Variants in CPXM2 observed in about 807,000 individuals in gnomAD.
The protein encoded by CPXM2 is inactive carboxypeptidase-like protein X2.
A neutral mutation model predicts 86.1 loss-of-function variants in CPXM2; 66 were observed. That is an observed-to-expected ratio of 0.77 (90% CI 0.63 to 0.94). The LOEUF is 0.94. CPXM2 is among the 40% of genes least tolerant of loss of function. The pLI, the probability that CPXM2 is intolerant of heterozygous loss-of-function variation, is 0.00. For missense variants in CPXM2, 948 were observed against 1,026.3 expected, an observed-to-expected ratio of 0.92 and a Z score of 1.04; for synonymous variants, 388 against 400.2, an observed-to-expected ratio of 0.97 and a Z score of 0.36.
At chr10:123,770,895 T>A (rs985793800) in intron 8 of CPXM2, 21 bp downstream of exon 8, 1 of 1,607,264 alleles carries the variant, frequency 6.2e-7, no homozygotes, top group Non-Finnish European at 8.5e-7. Flanking sequence ...GGGCCAAGCA[T>A]CCCAGAGGGG....
At chr10:123,779,793 A>T (rs998902444) in intron 7 of CPXM2, among the ~76,000 whole-genome samples, 2 of 152,188 alleles carry the variant, frequency 1.3e-5, no homozygotes, top group Non-Finnish European at 2.9e-5. Flanking sequence ...AGTTGATCCT[A>T]TGTGAATATT....
intron 4 of CPXM2, among the ~76,000 whole-genome samples, chr10:123,806,644 T>C (rs1426614890): frequency 2.0e-5 from 3 of 152,166 alleles, no homozygotes; most frequent in African/African-American, 4.8e-5. Context: ...GAAAGATGTT[T>C]AGTTGGCTCA....
intron 2 of CPXM2, among the ~76,000 whole-genome samples, chr10:123,873,797 T>A (rs1944932158): frequency 6.6e-6 from 1 of 152,074 alleles, no homozygotes; most frequent in Non-Finnish European, 1.5e-5. Flanking sequence ...AGTACTTGTC[T>A]TAGTCTATTC....
upstream of CPXM2, among the ~76,000 whole-genome samples, chr10:123,940,975 T>C (rs924802670): frequency 3.3e-5 from 5 of 151,984 alleles, no homozygotes; most frequent in Non-Finnish European, 7.4e-5. Flanking sequence ...ATCGAGACCA[T>C]CCTGGCTAAC....
chr10:123,826,610 A>G (rs1848051991), intron 4 of CPXM2, among the ~76,000 whole-genome samples: 1 of 152,196 alleles, frequency 6.6e-6, no homozygotes, highest in Admixed American at 6.5e-5. Context: ...TGAGCATTAT[A>G]TAAAATTATA....
At chr10:123,920,819 C>A (rs1427760715) in intron 2 of CPXM2, among the ~76,000 whole-genome samples, 1 of 152,134 alleles carries the variant, frequency 6.6e-6, no homozygotes, top group Non-Finnish European at 1.5e-5. Context: ...GAGTGGGTTC[C>A]TTATAAAAGG....
chr10:123,805,420 C>A (rs1007345101), intron 4 of CPXM2, among the ~76,000 whole-genome samples: 1 of 151,978 alleles, frequency 6.6e-6, no homozygotes, highest in African/African-American at 2.4e-5. Flanking sequence ...CCATTTAGTT[C>A]AAAATATTAA....
At chr10:123,781,415 A>G (rs923685312) in intron 6 of CPXM2, among the ~76,000 whole-genome samples, 5 of 152,156 alleles carry the variant, frequency 3.3e-5, no homozygotes. Flanking sequence ...CTGGGAAGAG[A>G]CCACTCCATC....
chr10:123,846,722 T>G (rs1441273800), intron 3 of CPXM2, among the ~76,000 whole-genome samples: 2 of 152,284 alleles, frequency 1.3e-5, no homozygotes, highest in South Asian at 4.2e-4. Context: ...ACAGTAGACA[T>G]GTAGGAGACC....
chr10:123,780,978 C>T (rs557952309), intron 6 of CPXM2, among the ~76,000 whole-genome samples: 2 of 152,332 alleles, frequency 1.3e-5, no homozygotes, highest in South Asian at 4.1e-4. Context: ...TGCCCACTTG[C>T]TACTGTGGCC....
At chr10:123,870,745 C>T (rs56406241) in intron 2 of CPXM2, among the ~76,000 whole-genome samples, 32,400 of 152,104 alleles carry the variant, frequency 0.21, 3,642 homozygotes, top group Middle Eastern at 0.34. Flanking sequence ...CATCACTGAG[C>T]TCCTCCAGAG....
intron 2 of CPXM2, among the ~76,000 whole-genome samples, chr10:123,930,652 T>C (rs544473418): frequency 1.3e-5 from 2 of 152,326 alleles, no homozygotes; most frequent in East Asian, 3.9e-4. Context: ...AGTAAGTGAA[T>C]CAGGATTTGA....
chr10:123,762,075 T>C lies in CPXM2; in HGVS notation c.1574A>G (p.Tyr525Cys), dbSNP rs1846358716. The C allele has an allele frequency of 1.2e-6, 2 of 1,614,006 alleles. No homozygotes were observed. The highest frequency in any genetic ancestry group is 1.1e-5 in the South Asian group (1 of 91,058). Reference sequence around the variant, plus strand: ...GGGGGACCGCACCAGGTCGTAGGGGTACGCCACCACCAGCTCGCCGCCCTG... The same window carrying C: ...GGGGGACCGCACCAGGTCGTAGGGGCACGCCACCACCAGCTCGCCGCCCTG... ...NLQGGELVVA[Y>C]PYDLVRSPWK... Residue 525 changes from tyrosine to cysteine, a missense_variant, in exon 11 of 14, where the codon TAC becomes TGC. By Grantham distance (194) the Tyr-to-Cys change is radical. Transcript: ENST00000241305.
Position 123,842,421 on chromosome 10 carries a change from C to T in CPXM2, c.581G>A (p.Trp194Ter), listed in dbSNP as rs746690533. The T allele has an allele frequency of 1.2e-6, 2 of 1,614,218 alleles. No individual in the cohort carries two copies. The highest frequency in any genetic ancestry group is 1.7e-6 in the Non-Finnish European group (2 of 1,180,042). The change falls in exon 4 of 14, where the codon TGG (tryptophan) becomes TAG (stop). Residue 194 changes from tryptophan to a stop codon, truncating the protein, a stop_gained. Coordinates refer to ENST00000241305, the MANE Select transcript of CPXM2 (RefSeq NM_198148.3). LOFTEE classifies it high-confidence loss of function. Reference sequence around the variant, plus strand: ...CAGGCGCCGAGCATCCACTTCAATCCACTGCTGGAGGTCATTTCTTCCCGC... The same window carrying T: ...CAGGCGCCGAGCATCCACTTCAATCTACTGCTGGAGGTCATTTCTTCCCGC... ...WCAGRNDLQQWIEVDARRLTR... is the reference protein window; with the variant it reads ...WCAGRNDLQQ
At chr10:123,894,820 C>T (rs1945321863), upstream of CPXM2, among the ~76,000 whole-genome samples, 1 of 152,184 alleles carries the variant, frequency 6.6e-6, no homozygotes, top group Non-Finnish European at 1.5e-5. Flanking sequence ...CTGCCCATCA[C>T]TCAGCCCATG....
intron 11 of CPXM2, among the ~76,000 whole-genome samples, chr10:123,757,959 T>C (rs1383349099): frequency 6.6e-6 from 1 of 152,126 alleles, no homozygotes; most frequent in Non-Finnish European, 1.5e-5. Flanking sequence ...GGAAGAATAG[T>C]ACCCAGGACC....
chr10:123,809,309 G>T (rs1370349068), intron 4 of CPXM2, among the ~76,000 whole-genome samples: 1 of 151,982 alleles, frequency 6.6e-6, no homozygotes, highest in Non-Finnish European at 1.5e-5. Context: ...AATGAAAGAA[G>T]AAAAAATAGG....
chr10:123,842,243 C>T, intron 4 of CPXM2, 106 bp downstream of exon 4: 2 of 1,429,776 alleles, frequency 1.4e-6, no homozygotes, highest in Non-Finnish European at 1.9e-6. Flanking sequence ...TCTTCTACTG[C>T]CCATCACCAA....
intron 13 of CPXM2, chr10:123,751,981 G>C: frequency 5.1e-6 from 5 of 985,354 alleles, no homozygotes; most frequent in Non-Finnish European, 6.0e-6. Context: ...GGCTTATGAG[G>C]CCCCAGGGTC....
Sources: gnomAD v4.1 joint callset for allele counts (sites outside exome capture counted in the v4.1 genomes callset) on GRCh38, gnomAD v4.1.1 for gene constraint, MANE v1.5 for transcripts, NCBI Gene and HGNC (gene_info 2026-07-23, HGNC 2026-07-21) for gene names.